SENP5: variants seen among roughly 807,000 people sequenced by gnomAD.
SENP5 encodes the protein SUMO specific peptidase 5.
A neutral mutation model predicts 74.2 loss-of-function variants in SENP5; 21 were observed. The observed-to-expected ratio is 0.28, with a 90% confidence interval of 0.20 to 0.41. The LOEUF is 0.41. Among genes scored for constraint, SENP5 ranks in the 10% least tolerant of loss-of-function variants. The probability of loss-of-function intolerance (pLI) is 1.00; values close to 1 mark genes in which losing one functional copy is unlikely to be tolerated. For synonymous variants in SENP5, 311 were observed against 312.7 expected (o/e 0.99, Z 0.06); for missense variants, 717 against 889.1 (o/e 0.81, Z 2.46).
At chr3:196,869,352 C>T (rs908218803) in intron 1 of SENP5, among the ~76,000 whole-genome samples, 3 of 151,848 alleles carry the variant, frequency 2.0e-5, no homozygotes, top group Admixed American at 1.3e-4. Flanking sequence ...TACAGGTGCC[C>T]GCCATCGCGC....
At chr3:196,876,740 G>T (rs1425192710) in intron 1 of SENP5, among the ~76,000 whole-genome samples, 1 of 149,626 alleles carries the variant, frequency 6.7e-6, no homozygotes, top group Admixed American at 6.7e-5. Flanking sequence ...ATTGCCAGGC[G>T]TGGTGGTGTG....
intron 1 of SENP5, among the ~76,000 whole-genome samples, chr3:196,869,028 C>T (rs1011489227): frequency 1.3e-5 from 2 of 152,026 alleles, no homozygotes; most frequent in Non-Finnish European, 2.9e-5. Flanking sequence ...CTCTCCTAGC[C>T]ATCCACATGT....
At chr3:196,881,232 C>A (rs1213126172) in intron 1 of SENP5, among the ~76,000 whole-genome samples, 1 of 152,174 alleles carries the variant, frequency 6.6e-6, no homozygotes, top group African/African-American at 2.4e-5. Context: ...TAGGCTGAGC[C>A]ACAGTTCCCT....
chr3:196,888,437 G>C (rs1714065180), intron 2 of SENP5, among the ~76,000 whole-genome samples: 1 of 151,992 alleles, frequency 6.6e-6, no homozygotes, highest in Non-Finnish European at 1.5e-5. Flanking sequence ...ACAAAAATCA[G>C]CCAGGTGTTG....
At chr3:196,923,967 G>A (rs1421232879) in intron 7 of SENP5, among the ~76,000 whole-genome samples, 1 of 152,162 alleles carries the variant, frequency 6.6e-6, no homozygotes, top group Non-Finnish European at 1.5e-5. Flanking sequence ...AGAAAAATGA[G>A]TAGGTTTCCG....
Position 196,933,033 on chromosome 3 carries a change from T to TTTTTTTTTTTTTG in SENP5, c.*2112_*2113insTTTTTTTTTTGTT, listed in dbSNP as rs1716103731. Reference sequence around the variant, plus strand: ...TTTGGGTTTTTTGTTTTTTTTTTTTTTTGAGTCAGAGTCTCACTGTCCCTC... The same window carrying TTTTTTTTTTTTTG: ...TTTGGGTTTTTTGTTTTTTTTTTTTTTTTTTTTTTTTTGTTGAGTCAGAGTCTCACTGTCCCTC... On this transcript the variant is annotated 3_prime_UTR_variant, in exon 10 of 10. Coordinates refer to ENST00000323460, the MANE Select transcript of SENP5 (RefSeq NM_152699.5). 1 of 147,130 alleles carries TTTTTTTTTTTTTG rather than the reference T, an allele frequency of 6.8e-6. No homozygotes were observed. The highest frequency in any genetic ancestry group is 2.5e-5 in the African/African-American group (1 of 39,572). 9.1% of individuals were successfully genotyped at this position (147,130 alleles called of 1,614,324 possible). A position where few individuals can be genotyped will look rare whatever the true frequency, so the allele number is the denominator to read the frequency against.
intron 6 of SENP5, among the ~76,000 whole-genome samples, chr3:196,907,134 A>G (rs1285118067): frequency 1.3e-5 from 2 of 152,176 alleles, no homozygotes; most frequent in Non-Finnish European, 2.9e-5. Flanking sequence ...TTTAAAATGT[A>G]CAGTCATATA....
Position 196,931,570 on chromosome 3 carries a change from G to A in SENP5, c.*647G>A. The A allele has an allele frequency of 3.9e-6, 1 of 255,002 alleles. No individual in the cohort carries two copies. The highest frequency in any genetic ancestry group is 3.8e-5 in the South Asian group (1 of 26,124). The allele number at this position is 255,002 out of a possible 1,614,324, so 15.8% of individuals were successfully genotyped here. A position where few individuals can be genotyped will look rare whatever the true frequency, so the allele number is the denominator to read the frequency against. Reference sequence around the variant, plus strand: ...ACAGTGGCTGCTTTGGGAGGAGTAAGGTGTGAGAAAAAGCAACCTTGGAGG... The same window carrying A: ...ACAGTGGCTGCTTTGGGAGGAGTAAAGTGTGAGAAAAAGCAACCTTGGAGG... On this transcript the variant is annotated 3_prime_UTR_variant, in exon 10 of 10. Coordinates refer to ENST00000323460, the MANE Select transcript of SENP5 (RefSeq NM_152699.5).
chr3:196,894,146 A>T (rs1385647242), intron 2 of SENP5, among the ~76,000 whole-genome samples: 1 of 125,674 alleles, frequency 8.0e-6, no homozygotes, highest in Non-Finnish European at 1.6e-5. Context: ...TTCTGGAGAC[A>T]GAGTTTTGAT....
chr3:196,870,869 G>C (rs962800106), intron 1 of SENP5, among the ~76,000 whole-genome samples: 3 of 151,910 alleles, frequency 2.0e-5, no homozygotes, highest in African/African-American at 7.3e-5. Context: ...CCTAAAGTCA[G>C]TGATTTAAAA....
rs1350272581 is a variant in SENP5 at position 196,932,538 on chromosome 3, C to T, written c.*1615C>T. On this transcript the variant is annotated 3_prime_UTR_variant, in exon 10 of 10. Coordinates refer to ENST00000323460, the MANE Select transcript of SENP5 (RefSeq NM_152699.5). ...CAAAATCCTTAATGTCAAACCAGGT[C>T]AGTGTTTCTTACTGTGTTTCAAGTC... is the stretch of plus-strand genomic sequence containing the variant. 6.6e-6 allele frequency: 1 copy of T among 152,062 alleles called. No homozygotes were observed. Among genetic ancestry groups the T allele is most frequent in the Non-Finnish European group, 1.5e-5 (1 of 68,054 alleles). 9.4% of individuals were successfully genotyped at this position (152,062 alleles called of 1,614,324 possible). A position where few individuals can be genotyped will look rare whatever the true frequency, so the allele number is the denominator to read the frequency against.
chr3:196,904,978 C>G (rs1286915690), intron 6 of SENP5: 2 of 152,120 alleles, frequency 1.3e-5, no homozygotes, highest in African/African-American at 4.8e-5. Context: ...TCGCTCACTG[C>G]AACCTCTGCC....
chr3:196,912,119 A>G (rs1468098152), intron 6 of SENP5, among the ~76,000 whole-genome samples: 1 of 152,220 alleles, frequency 6.6e-6, no homozygotes, highest in Non-Finnish European at 1.5e-5. Context: ...CTATAGAGAC[A>G]TATGCGTGTG....
Position 196,931,981 on chromosome 3 carries a change from G to C in SENP5, c.*1058G>C. Reference sequence around the variant, plus strand: ...CCATGGGAGCGCAGCAACCGTGTCAGGTTCTTTCTCCTGTCCCATTAGTGA... The same window carrying C: ...CCATGGGAGCGCAGCAACCGTGTCACGTTCTTTCTCCTGTCCCATTAGTGA... On this transcript the variant is annotated 3_prime_UTR_variant, in exon 10 of 10. Coordinates refer to ENST00000323460, the MANE Select transcript of SENP5 (RefSeq NM_152699.5). The C allele has an allele frequency of 2.2e-6, 1 of 445,660 alleles. No homozygotes were observed. The highest frequency in any genetic ancestry group is 4.5e-6 in the Non-Finnish European group (1 of 222,982). The allele number at this position is 445,660 out of a possible 1,614,324, so 27.6% of individuals were successfully genotyped here. A position where few individuals can be genotyped will look rare whatever the true frequency, so the allele number is the denominator to read the frequency against.
intron 1 of SENP5, among the ~76,000 whole-genome samples, chr3:196,881,901 T>TG (rs1713741910): frequency 6.7e-6 from 1 of 148,886 alleles, no homozygotes; most frequent in African/African-American, 2.5e-5. Flanking sequence ...TATTAGTTTT[T>TG]TTTTTTTTTT....
chr3:196,898,414 A>G (rs1217006069), intron 2 of SENP5, among the ~76,000 whole-genome samples: 1 of 151,386 alleles, frequency 6.6e-6, no homozygotes, highest in Non-Finnish European at 1.5e-5. Context: ...TGAGCAACAT[A>G]GCAAGACCCT....
intron 1 of SENP5, among the ~76,000 whole-genome samples, chr3:196,878,118 A>G (rs556341379): frequency 2.2e-4 from 34 of 152,364 alleles, no homozygotes; most frequent in African/African-American, 7.9e-4. Flanking sequence ...ACTAATGGCA[A>G]CTAATTCGCC....
At chr3:196,892,663 C>G (rs947551228) in intron 2 of SENP5, among the ~76,000 whole-genome samples, 5 of 152,288 alleles carry the variant, frequency 3.3e-5, no homozygotes, top group African/African-American at 9.6e-5. Context: ...TCTAGGACCA[C>G]TTCCTCCTGT....
rs913297667 is a variant in SENP5, at chr3:196,931,212, T to TA, written c.*299dup. ...AGACAGAGCATGCAGTGAAGAGTAT[T>TA]AAAAAAAAAAGCTTAGTAGATTTGG... On this transcript the variant is annotated 3_prime_UTR_variant, in exon 10 of 10. Coordinates refer to ENST00000323460, the MANE Select transcript of SENP5 (RefSeq NM_152699.5). 4.3e-3 allele frequency: 972 copies of TA among 228,458 alleles called. No individual in the cohort carries two copies. Among genetic ancestry groups the TA allele is most frequent in the South Asian group, 7.3e-3 (67 of 9,236 alleles). 14.2% of individuals were successfully genotyped at this position (228,458 alleles called of 1,614,324 possible). A position where few individuals can be genotyped will look rare whatever the true frequency, so the allele number is the denominator to read the frequency against.
Sources: gnomAD v4.1 joint callset for allele counts (sites outside exome capture counted in the v4.1 genomes callset) on GRCh38, gnomAD v4.1.1 for gene constraint, MANE v1.5 for transcripts, NCBI Gene and HGNC (gene_info 2026-07-23, HGNC 2026-07-21) for gene names.